SNX29: variants seen among roughly 807,000 people sequenced by gnomAD.
SNX29 encodes the protein sorting nexin 29.
In SNX29, 78 loss-of-function variants were observed where a neutral mutation model predicts 102.1. That is an observed-to-expected ratio of 0.76 (90% CI 0.64 to 0.92). SNX29 has a LOEUF of 0.92. Ranked by LOEUF, SNX29 falls within the 40% of genes least tolerant of loss-of-function variation. SNX29 has a pLI of 0.00. For missense variants in SNX29, 1,280 were observed against 1,061.7 expected, an observed-to-expected ratio of 1.21 and a Z score of -2.86; for synonymous variants, 580 against 414.5, an observed-to-expected ratio of 1.40 and a Z score of -4.85.
chr16:12,199,929 T>C (rs941388328), intron 14 of SNX29, among the ~76,000 whole-genome samples: 1 of 152,196 alleles, frequency 6.6e-6, no homozygotes, highest in African/African-American at 2.4e-5. Flanking sequence ...GTTTGTGTAC[T>C]TAGAGAATTT....
intron 18 of SNX29, chr16:12,443,186 A>G (rs984959060): frequency 8.2e-6 from 3 of 366,382 alleles, no homozygotes; most frequent in African/African-American, 4.3e-5. Flanking sequence ...CTTCCTATGG[A>G]AGCTGCTCAG....
At chr16:12,235,571 A>G (rs1322082723) in intron 14 of SNX29, among the ~76,000 whole-genome samples, 4 of 151,992 alleles carry the variant, frequency 2.6e-5, no homozygotes, top group South Asian at 2.1e-4. Flanking sequence ...CTATATTGAT[A>G]TATTTTCACC....
intron 1 of SNX29, among the ~76,000 whole-genome samples, chr16:11,985,416 A>G (rs1328951704): frequency 6.6e-6 from 1 of 152,214 alleles, no homozygotes; most frequent in Non-Finnish European, 1.5e-5. Context: ...GCATGGGAAT[A>G]TATGGTGTCT....
At chr16:12,372,363 A>G (rs2082716542) in intron 16 of SNX29, among the ~76,000 whole-genome samples, 1 of 152,154 alleles carries the variant, frequency 6.6e-6, no homozygotes, top group Non-Finnish European at 1.5e-5. Flanking sequence ...TACGTTTCTA[A>G]TGTTCTTTAA....
At chr16:12,310,207 A>G (rs1264899442) in intron 15 of SNX29, among the ~76,000 whole-genome samples, 1 of 152,258 alleles carries the variant, frequency 6.6e-6, no homozygotes, top group Non-Finnish European at 1.5e-5. Flanking sequence ...CAGAGATCAT[A>G]CATGCATTGC....
At chr16:12,566,474 G>A (rs914709523) in intron 20 of SNX29, among the ~76,000 whole-genome samples, 1 of 152,148 alleles carries the variant, frequency 6.6e-6, no homozygotes, top group Non-Finnish European at 1.5e-5. Flanking sequence ...TCCTGGCTGT[G>A]CTGAATGATG....
intron 18 of SNX29, among the ~76,000 whole-genome samples, chr16:12,405,471 G>A (rs192536981): frequency 1.4e-4 from 21 of 152,286 alleles, no homozygotes; most frequent in Non-Finnish European, 2.2e-4. Context: ...GCTCTGCATC[G>A]CTGGGAGCAA....
intron 15 of SNX29, among the ~76,000 whole-genome samples, chr16:12,346,674 G>C (rs1468563997): frequency 6.6e-6 from 1 of 152,216 alleles, no homozygotes; most frequent in Non-Finnish European, 1.5e-5. Context: ...TTTCAGCAGA[G>C]GGCTGGGGCT....
intron 2 of SNX29, among the ~76,000 whole-genome samples, chr16:11,999,999 G>T (rs1246640187): frequency 6.6e-6 from 1 of 152,070 alleles, no homozygotes; most frequent in Admixed American, 6.5e-5. Context: ...TGCAGAGGTG[G>T]TGGTTTGGAG....
At chr16:12,401,883 A>T (rs1225588566) in intron 17 of SNX29, among the ~76,000 whole-genome samples, 1 of 152,196 alleles carries the variant, frequency 6.6e-6, no homozygotes, top group Non-Finnish European at 1.5e-5. Context: ...TCAATTTCTG[A>T]TACAGTGTGG....
intron 11 of SNX29, among the ~76,000 whole-genome samples, chr16:12,092,466 T>C (rs1045353260): frequency 1.8e-4 from 27 of 152,198 alleles, no homozygotes; most frequent in Admixed American, 7.2e-4. Context: ...CCTGGTAATA[T>C]GAGTTGCTCA....
chr16:12,561,182 G>T, intron 20 of SNX29: 1 of 230,472 alleles, frequency 4.3e-6, no homozygotes, highest in South Asian at 1.8e-4. Context: ...AGCCTGGCAT[G>T]CTCTGATACT....
intron 20 of SNX29, among the ~76,000 whole-genome samples, chr16:12,567,022 G>A (rs995312281): frequency 1.3e-5 from 2 of 152,234 alleles, no homozygotes; most frequent in Non-Finnish European, 2.9e-5. Context: ...TCATTGTGAA[G>A]AGATTCACTC....
At chr16:12,187,164 G>C (rs1056058894) in intron 13 of SNX29, among the ~76,000 whole-genome samples, 1 of 152,188 alleles carries the variant, frequency 6.6e-6, no homozygotes, top group African/African-American at 2.4e-5. Context: ...TCTCTACTTT[G>C]CTGTGGCCTC....
chr16:12,439,230 G>A (rs1303906041), intron 18 of SNX29, among the ~76,000 whole-genome samples: 4 of 151,392 alleles, frequency 2.6e-5, no homozygotes, highest in Non-Finnish European at 4.4e-5. Flanking sequence ...GCTGAGAGAC[G>A]GCTAGTGGGC....
intron 14 of SNX29, among the ~76,000 whole-genome samples, chr16:12,257,301 T>C (rs2078602755): frequency 6.6e-6 from 1 of 152,192 alleles, no homozygotes; most frequent in South Asian, 2.1e-4. Flanking sequence ...CCCTCTCTTC[T>C]GCTTTCGACT....
intron 14 of SNX29, among the ~76,000 whole-genome samples, chr16:12,218,094 TAAAA>T (rs753356836): frequency 1.3e-5 from 2 of 152,312 alleles, no homozygotes; most frequent in Non-Finnish European, 1.5e-5. Context: ...TTTGCAATGA[TAAAA>T]AAATTGTTTG....
intron 18 of SNX29, among the ~76,000 whole-genome samples, chr16:12,452,702 C>T (rs1042010924): frequency 1.9e-4 from 29 of 152,196 alleles, no homozygotes; most frequent in African/African-American, 6.7e-4. Flanking sequence ...TCTGTGACTG[C>T]CAGACCCCTC....
chr16:12,042,830 G>A, intron 4 of SNX29, 67 bp from the exon 5 acceptor site: 2 of 1,506,286 alleles, frequency 1.3e-6, no homozygotes, highest in Non-Finnish European at 1.8e-6. Flanking sequence ...TAGAGGCTTT[G>A]TGTGTTCCTC....
Sources: allele counts gnomAD v4.1 joint callset (sites outside exome capture counted in the v4.1 genomes callset), GRCh38; gene constraint gnomAD v4.1.1; transcripts MANE v1.5; gene names NCBI Gene and HGNC (gene_info 2026-07-23, HGNC 2026-07-21).